The following DNAJC24 variants were observed in gnomAD, a reference collection of about 807,000 sequenced individuals.
DNAJC24 encodes the protein dnaJ homolog subfamily C member 24.
In DNAJC24, 17 loss-of-function variants were observed where a neutral mutation model predicts 18.0. That is an observed-to-expected ratio of 0.94 (90% confidence interval 0.65 to 1.42). The LOEUF (loss-of-function observed/expected upper bound fraction) is 1.42, where lower values mean the gene tolerates loss of function less well. Ranked by LOEUF, DNAJC24 falls within the 40% of genes most tolerant of loss-of-function variation. The pLI is 0.00. For synonymous variants in DNAJC24, 55 were observed against 57.7 expected, an observed-to-expected ratio of 0.95 and a Z score of 0.21; for missense variants, 158 against 175.6, an observed-to-expected ratio of 0.90 and a Z score of 0.57.
intron 2 of DNAJC24, among the ~76,000 whole-genome samples, chr11:31,399,712 T>C (rs1405315172): frequency 9.1e-6 from 1 of 110,098 alleles, no homozygotes; most frequent in East Asian, 2.1e-4. Flanking sequence ...ATGCCCAGCC[T>C]CTTTTTTTTT....
At chr11:31,401,697 A>G (rs1952602902) in intron 2 of DNAJC24, among the ~76,000 whole-genome samples, 1 of 152,192 alleles carries the variant, frequency 6.6e-6, no homozygotes, top group Non-Finnish European at 1.5e-5. Flanking sequence ...AGGTCTGTTT[A>G]AAAATATTAA....
intron 2 of DNAJC24, among the ~76,000 whole-genome samples, chr11:31,402,631 C>T (rs1952610567): frequency 6.6e-6 from 1 of 152,070 alleles, no homozygotes; most frequent in African/African-American, 2.4e-5. Flanking sequence ...ACCTCAGCCT[C>T]TTGGGTAGCT....
At chr11:31,427,166 A>G (rs1446396938) in intron 4 of DNAJC24, 1 of 152,188 alleles carries the variant, frequency 6.6e-6, no homozygotes, top group Non-Finnish European at 1.5e-5. Flanking sequence ...GTTTATAAAA[A>G]TCTACTAATG....
intron 2 of DNAJC24, among the ~76,000 whole-genome samples, chr11:31,390,527 G>A (rs1952483387): frequency 6.6e-6 from 1 of 151,058 alleles, no homozygotes; most frequent in African/African-American, 2.4e-5. Context: ...CCATTATAGT[G>A]AAACCTTGTC....
rs1564956503 is a variant in DNAJC24 at position 31,414,944 on chromosome 11, G to GGT, written c.249_250dup (p.Glu84ValfsTer5). 6.2e-7 allele frequency: 1 copy of GGT among 1,612,782 alleles called. No individual in the cohort carries two copies. The highest frequency in any genetic ancestry group is 8.5e-7 in the Non-Finnish European group (1 of 1,179,594). On this transcript the variant is annotated frameshift_variant, in exon 3 of 5. Coordinates refer to ENST00000465995, the MANE Select transcript of DNAJC24 (RefSeq NM_181706.5). LOFTEE classifies it high-confidence loss of function. ...ACAAAAAGAGAGTATGACCTGCAGC[G>GGT]GTGTGGTAGGTGCTTGTGTTGAGGA...
At position 31,379,800 on chromosome 11, in the gene DNAJC24, C is replaced by T. The variant is rs12287645; in HGVS notation, c.111+8941C>T. On this transcript the variant is annotated intron_variant, in intron 2 of 4. Transcript: ENST00000465995. Reference sequence around the variant, plus strand: ...TGAGACAGAGTCTCACCCTGTCGTCCAGGCTGGAGTGCAGTGGTGCGATCT... The same window carrying T: ...TGAGACAGAGTCTCACCCTGTCGTCTAGGCTGGAGTGCAGTGGTGCGATCT... Among the ~76,000 whole-genome samples, 833 of 152,166 alleles carry T rather than the reference C, an allele frequency of 5.5e-3. 10 individuals are homozygous for T. The highest frequency in any genetic ancestry group is 0.019 in the African/African-American group (791 of 41,502).
At chr11:31,389,400 A>G (rs1952465329) in intron 2 of DNAJC24, among the ~76,000 whole-genome samples, 1 of 152,238 alleles carries the variant, frequency 6.6e-6, no homozygotes, top group South Asian at 2.1e-4. Context: ...GAAAAAAACT[A>G]TAAAAAGAGA....
chr11:31,412,973 T>C (rs1026859341), intron 2 of DNAJC24, among the ~76,000 whole-genome samples: 7 of 152,224 alleles, frequency 4.6e-5, no homozygotes, highest in Admixed American at 3.3e-4. Flanking sequence ...AGATTGAGAA[T>C]TGAAGTCATT....
chr11:31,391,713 A>C (rs1952498424), intron 2 of DNAJC24, among the ~76,000 whole-genome samples: 1 of 152,216 alleles, frequency 6.6e-6, no homozygotes, highest in Non-Finnish European at 1.5e-5. Context: ...AAAAAACTTA[A>C]AGTAGAACCA....
chr11:31,399,935 T>A (rs1447085400), intron 2 of DNAJC24, among the ~76,000 whole-genome samples: 1 of 151,950 alleles, frequency 6.6e-6, no homozygotes, highest in African/African-American at 2.4e-5. Flanking sequence ...CAACAGGCCC[T>A]GGTGTGTGTT....
At chr11:31,406,191 G>A (rs937771902) in intron 2 of DNAJC24, among the ~76,000 whole-genome samples, 11 of 152,140 alleles carry the variant, frequency 7.2e-5, no homozygotes, top group Admixed American at 5.2e-4. Flanking sequence ...GTATTTGAAG[G>A]GAGATCATTG....
At chr11:31,389,622 A>G (rs548720307) in intron 2 of DNAJC24, among the ~76,000 whole-genome samples, 4 of 152,344 alleles carry the variant, frequency 2.6e-5, no homozygotes, top group Admixed American at 6.5e-5. Flanking sequence ...AAATTAACAA[A>G]CATCAGACTT....
chr11:31,395,665 A>AT (rs1253238339), intron 2 of DNAJC24, among the ~76,000 whole-genome samples: 3 of 152,168 alleles, frequency 2.0e-5, no homozygotes, highest in African/African-American at 7.2e-5. Flanking sequence ...ATATGGACAT[A>AT]TTTTTTATTC....
chr11:31,421,619 T>C (rs987359588), intron 3 of DNAJC24, among the ~76,000 whole-genome samples: 3 of 152,194 alleles, frequency 2.0e-5, no homozygotes, highest in African/African-American at 7.2e-5. Context: ...TTGCTGTTAT[T>C]TATTTTTTAT....
chr11:31,421,148 TATCAAGGTA>T (rs1952800120), intron 3 of DNAJC24, among the ~76,000 whole-genome samples: 1 of 152,136 alleles, frequency 6.6e-6, no homozygotes. Context: ...CTCAATCTCT[TATCAAGGTA>T]GAGAATTTTT....
At chr11:31,395,582 A>T (rs998785377) in intron 2 of DNAJC24, among the ~76,000 whole-genome samples, 1 of 152,170 alleles carries the variant, frequency 6.6e-6, no homozygotes, top group Non-Finnish European at 1.5e-5. Context: ...CCCAATTTTT[A>T]AAAAATTTAA....
chr11:31,399,131 A>G (rs564746584), intron 2 of DNAJC24, among the ~76,000 whole-genome samples: 2 of 152,152 alleles, frequency 1.3e-5, no homozygotes, highest in Non-Finnish European at 2.9e-5. Flanking sequence ...ACTGCACAAG[A>G]TTTAAAATTG....
Position 31,430,568 on chromosome 11 carries a change from A to ATTAT in DNAJC24, c.*174_*177dup, listed in dbSNP as rs1952912554. The ATTAT allele has an allele frequency of 2.9e-6, 1 of 349,276 alleles. No homozygotes were observed. The highest frequency in any genetic ancestry group is 4.8e-5 in the Admixed American group (1 of 20,876). The allele number at this position is 349,276 out of a possible 1,614,324, so 21.6% of individuals were successfully genotyped here. The stretch of plus-strand genomic sequence containing the variant: ...CTCAGATTAATAGAGAATGAATATA[A>ATTAT]TTATTTATTTGTATTTATAATTTAT... On this transcript the variant is annotated 3_prime_UTR_variant, in exon 5 of 5. Transcript: ENST00000465995.
chr11:31,396,529 T>C (rs998334663), intron 2 of DNAJC24: 3 of 221,182 alleles, frequency 1.4e-5, no homozygotes, highest in Non-Finnish European at 2.8e-5. Flanking sequence ...TCCAAATTTA[T>C]GTCCCCTGCT....
Sources: allele counts gnomAD v4.1 joint callset (sites outside exome capture counted in the v4.1 genomes callset), GRCh38; gene constraint gnomAD v4.1.1; transcripts MANE v1.5; gene names NCBI Gene and HGNC (gene_info 2026-07-23, HGNC 2026-07-21).